ETV6: variants seen among roughly 807,000 people sequenced by gnomAD.
ETV6 encodes transcription factor ETV6.
A neutral mutation model predicts 51.1 loss-of-function variants in ETV6; 16 were observed. That is an observed-to-expected ratio of 0.31 (90% CI 0.21 to 0.48). The LOEUF (loss-of-function observed/expected upper bound fraction) is 0.48. ETV6 is among the 20% of genes least tolerant of loss of function. The probability of loss-of-function intolerance (pLI) is 0.99; values close to 1 mark genes in which losing one functional copy is unlikely to be tolerated. For missense variants in ETV6, 458 were observed against 594.8 expected (o/e 0.77, Z 2.39); for synonymous variants, 240 against 224.1 (o/e 1.07, Z -0.64).
At chr12:11,828,305 G>C (rs1377569902) in intron 2 of ETV6, among the ~76,000 whole-genome samples, 1 of 152,108 alleles carries the variant, frequency 6.6e-6, no homozygotes, top group Non-Finnish European at 1.5e-5. Flanking sequence ...CAATATGTTA[G>C]CAATGATGTC....
chr12:11,742,738 G>A (rs1591643703), intron 1 of ETV6, among the ~76,000 whole-genome samples: 1 of 151,582 alleles, frequency 6.6e-6, no homozygotes, highest in East Asian at 1.9e-4. Flanking sequence ...TGCATTAGTA[G>A]AGAACCTTTG....
chr12:11,667,318 G>A (rs545718667), intron 1 of ETV6, among the ~76,000 whole-genome samples: 23 of 152,260 alleles, frequency 1.5e-4, no homozygotes, highest in African/African-American at 4.8e-4. Context: ...TCACTGTTGA[G>A]GCTGTTGAGT....
At chr12:11,686,267 A>C (rs1466369032) in intron 1 of ETV6, among the ~76,000 whole-genome samples, 2 of 152,178 alleles carry the variant, frequency 1.3e-5, no homozygotes, top group African/African-American at 4.8e-5. Flanking sequence ...TTTTCTTCCC[A>C]GTGGGTGGGA....
chr12:11,868,300 T>C (rs549852304), intron 4 of ETV6, among the ~76,000 whole-genome samples: 6 of 152,356 alleles, frequency 3.9e-5, no homozygotes, highest in Admixed American at 2.6e-4. Context: ...ATCTCCTAAC[T>C]GGCTGTGTGA....
At chr12:11,777,037 G>A (rs1001280323) in intron 2 of ETV6, among the ~76,000 whole-genome samples, 5 of 152,086 alleles carry the variant, frequency 3.3e-5, no homozygotes, top group Non-Finnish European at 5.9e-5. Flanking sequence ...AGGAGACTGC[G>A]ACCATCCTGG....
intron 2 of ETV6, among the ~76,000 whole-genome samples, chr12:11,789,169 A>G (rs548535832): frequency 2.0e-5 from 3 of 152,104 alleles, no homozygotes; most frequent in Non-Finnish European, 2.9e-5. Context: ...AGTAGCTGGG[A>G]TTACAGGCGC....
intron 2 of ETV6, among the ~76,000 whole-genome samples, chr12:11,817,548 T>A (rs1217041828): frequency 6.6e-6 from 1 of 152,244 alleles, no homozygotes; most frequent in African/African-American, 2.4e-5. Flanking sequence ...TTTCCACTAA[T>A]GATCTCAGTG....
intron 2 of ETV6, among the ~76,000 whole-genome samples, chr12:11,837,088 C>T (rs2136460532): frequency 6.6e-6 from 1 of 152,326 alleles, no homozygotes; most frequent in Non-Finnish European, 1.5e-5. Context: ...CCACTCCCAC[C>T]TCCCTGTGAT....
Position 11,650,504 on chromosome 12 carries a change from A to AAAAC in ETV6, c.33+347_33+348insCAAA, listed in dbSNP as rs1555109542. Among the ~76,000 whole-genome samples, 366 of 94,190 alleles carry AAAAC rather than the reference A, an allele frequency of 3.9e-3. 18 individuals are homozygous for AAAAC. The highest frequency in any genetic ancestry group is 7.1e-3 in the Middle Eastern group (1 of 140). 61.8% of individuals were successfully genotyped at this position (94,190 alleles called of 152,430 possible). A position where few individuals can be genotyped will look rare whatever the true frequency, so the allele number is the denominator to read the frequency against. ...CTTAAAAAAAAAAAAAACAAAAAAC[A>AAAAC]AAAAAAAAAAACCTGCTCCCTATTC... On this transcript the variant is annotated intron_variant, in intron 1 of 7. Coordinates refer to ENST00000396373, the MANE Select transcript of ETV6 (RefSeq NM_001987.5).
chr12:11,841,141 T>C (rs1367168438), intron 3 of ETV6, among the ~76,000 whole-genome samples: 3 of 152,210 alleles, frequency 2.0e-5, no homozygotes, highest in African/African-American at 7.2e-5. Context: ...GCTGGTTTAT[T>C]TTCCTCCACA....
At chr12:11,825,295 T>C (rs1946136273) in intron 2 of ETV6, among the ~76,000 whole-genome samples, 1 of 152,190 alleles carries the variant, frequency 6.6e-6, no homozygotes, top group African/African-American at 2.4e-5. Context: ...CAAAAGGTGA[T>C]TTTTTAAAAG....
chr12:11,686,871 T>C (rs1005763860), intron 1 of ETV6, among the ~76,000 whole-genome samples: 1 of 152,182 alleles, frequency 6.6e-6, no homozygotes, highest in Non-Finnish European at 1.5e-5. Flanking sequence ...TTAAGTTTGC[T>C]TGGCAATACC....
chr12:11,693,731 C>T (rs996619741), intron 1 of ETV6, among the ~76,000 whole-genome samples: 3 of 152,204 alleles, frequency 2.0e-5, no homozygotes, highest in Non-Finnish European at 4.4e-5. Flanking sequence ...CCTGCACTAT[C>T]TCTGTCCCCA....
intron 1 of ETV6, among the ~76,000 whole-genome samples, chr12:11,740,544 C>G (rs896954577): frequency 2.0e-5 from 3 of 150,200 alleles, no homozygotes; most frequent in African/African-American, 7.3e-5. Context: ...GATATTAAAG[C>G]CATATTCATG....
intron 2 of ETV6, among the ~76,000 whole-genome samples, chr12:11,801,825 C>T (rs1945753932): frequency 6.6e-6 from 1 of 152,166 alleles, no homozygotes; most frequent in Non-Finnish European, 1.5e-5. Flanking sequence ...AGATGAAAGC[C>T]AGCATGAGCC....
rs908427318 is a variant in ETV6 at position 11,893,225 on chromosome 12, G to GAGAA, written c.*2182_*2185dup. On this transcript the variant is annotated 3_prime_UTR_variant, in exon 8 of 8. Coordinates refer to ENST00000396373, the MANE Select transcript of ETV6 (RefSeq NM_001987.5). The stretch of plus-strand genomic sequence containing the variant: ...GAAAGCCACTGATTTTAAGAATGGA[G>GAGAA]AGAAAGGGATTTTTTACTGCATCCC... The GAGAA allele has an allele frequency of 4.3e-6, 1 of 232,694 alleles. No individual in the cohort carries two copies. Among genetic ancestry groups the GAGAA allele is most frequent in the African/African-American group, 2.2e-5 (1 of 45,300 alleles). The allele number at this position is 232,694 out of a possible 1,614,324, so 14.4% of individuals were successfully genotyped here.
intron 2 of ETV6, among the ~76,000 whole-genome samples, chr12:11,764,010 G>A (rs989456131): frequency 2.0e-5 from 3 of 152,154 alleles, no homozygotes; most frequent in Non-Finnish European, 2.9e-5. Context: ...TATCTCCCAC[G>A]ATGAATGACC....
chr12:11,706,313 T>C (rs1865071559), intron 1 of ETV6, among the ~76,000 whole-genome samples: 1 of 152,148 alleles, frequency 6.6e-6, no homozygotes, highest in Non-Finnish European at 1.5e-5. Context: ...CATGGAGAAA[T>C]AGATGCACAG....
At chr12:11,700,271 T>G (rs1445240579) in intron 1 of ETV6, among the ~76,000 whole-genome samples, 1 of 152,240 alleles carries the variant, frequency 6.6e-6, no homozygotes, top group East Asian at 1.9e-4. Context: ...AGTGCAGTTT[T>G]GTTACATGGA....
Sources: gnomAD v4.1 joint callset for allele counts (sites outside exome capture counted in the v4.1 genomes callset) on GRCh38, gnomAD v4.1.1 for gene constraint, MANE v1.5 for transcripts, NCBI Gene and HGNC (gene_info 2026-07-23, HGNC 2026-07-21) for gene names.